The following KCNC4 variants were observed in gnomAD, a reference collection of about 807,000 sequenced individuals.
The protein encoded by KCNC4 is potassium voltage-gated channel subfamily C member 4, also known as voltage-gated potassium channel KCNC4.
A neutral mutation model predicts 42.8 loss-of-function variants in KCNC4; 23 were observed. The observed-to-expected ratio is 0.54, with a 90% confidence interval of 0.39 to 0.76. The LOEUF (loss-of-function observed/expected upper bound fraction) is 0.76. KCNC4 is among the 30% of genes least tolerant of loss of function. The pLI is 0.00. For synonymous variants in KCNC4, 422 were observed against 393.5 expected (o/e 1.07, Z -0.86); for missense variants, 751 against 898.2 (o/e 0.84, Z 2.10).
intron 2 of KCNC4, chr1:110,225,673 C>A (rs1658349681): frequency 2.9e-6 from 1 of 340,950 alleles, no homozygotes; most frequent in South Asian, 5.8e-5. Flanking sequence ...GGCTGATCTC[C>A]TGGGGCAGCC....
In KCNC4 at chr1:110,210,782, C is replaced by A. The variant is rs1347826778; in HGVS notation, c.-718C>A. 6.6e-6 allele frequency among the ~76,000 whole-genome samples: 1 copy of A among 151,912 alleles called. No individual in the cohort carries two copies. Among genetic ancestry groups the A allele is most frequent in the South Asian group, 2.1e-4 (1 of 4,830 alleles). ...GACCCGAGGCTCGCTCCTGCGGGCG[C>A]GCTTGTTTTCCAGCTGCCGCCTCGC... On this transcript the variant is annotated 5_prime_UTR_variant, in exon 1 of 4. Transcript: ENST00000438661.
At chr1:110,220,359 T>C (rs911276563) in intron 1 of KCNC4, 1 of 152,372 alleles carries the variant, frequency 6.6e-6, no homozygotes, top group Admixed American at 6.5e-5. Flanking sequence ...CCACGGGGCC[T>C]GAAGGACTCT....
intron 1 of KCNC4, among the ~76,000 whole-genome samples, chr1:110,259,160 G>A (rs917540116): frequency 2.0e-5 from 3 of 152,162 alleles, no homozygotes; most frequent in Admixed American, 6.5e-5. Context: ...CCAAAGGCTG[G>A]GCCCAGGCAT....
At position 110,210,315 on chromosome 1, in the gene KCNC4, C is replaced by G. The variant is rs1657360352; in HGVS notation, c.-1185C>G. On this transcript the variant is annotated 5_prime_UTR_variant, in exon 1 of 4. Coordinates refer to ENST00000438661, the MANE Select transcript of KCNC4 (RefSeq NM_001039574.3). ...CGGGGCCCCGGAGGAAAAGGCGCCA[C>G]TGGGGCGTGGCGGCCGCTGCCAGCG... 6.6e-6 allele frequency among the ~76,000 whole-genome samples: 1 copy of G among 151,624 alleles called. No individual in the cohort carries two copies.
chr1:110,241,682 C>G (rs1659037623), exon 4 of KCNC4: 1 of 152,226 alleles, frequency 6.6e-6, no homozygotes, highest in Non-Finnish European at 1.5e-5. Flanking sequence ...CTCTTACATT[C>G]TACTATTGTG....
At chr1:110,219,645 A>G (rs1192673326) in intron 1 of KCNC4, 4 of 152,138 alleles carry the variant, frequency 2.6e-5, no homozygotes, top group Admixed American at 2.0e-4. Context: ...TTTGGCCTCT[A>G]AGCAGGGTGG....
At chr1:110,252,244 G>A (rs1659261563), downstream of KCNC4, among the ~76,000 whole-genome samples, 2 of 152,198 alleles carry the variant, frequency 1.3e-5, no homozygotes, top group Admixed American at 6.5e-5. Flanking sequence ...CTGTCAGTGT[G>A]CCCCTAAGAA....
At chr1:110,255,027 C>T (rs1201557669) in intron 1 of KCNC4, among the ~76,000 whole-genome samples, 3 of 152,152 alleles carry the variant, frequency 2.0e-5, no homozygotes, top group African/African-American at 7.2e-5. Flanking sequence ...AGGAGACATC[C>T]AAGTATATAC....
intron 1 of KCNC4, among the ~76,000 whole-genome samples, chr1:110,254,704 G>T (rs1250233455): frequency 6.6e-6 from 1 of 152,214 alleles, no homozygotes; most frequent in Non-Finnish European, 1.5e-5. Context: ...AAGGAGACTA[G>T]GAATATATTC....
chr1:110,256,562 A>C (rs946903112), intron 1 of KCNC4, among the ~76,000 whole-genome samples: 1 of 152,216 alleles, frequency 6.6e-6, no homozygotes, highest in Non-Finnish European at 1.5e-5. Flanking sequence ...ATCAGCTAAC[A>C]ATTACATTTA....
downstream of KCNC4, among the ~76,000 whole-genome samples, chr1:110,249,457 C>T (rs944873555): frequency 2.0e-5 from 3 of 152,194 alleles, no homozygotes; most frequent in African/African-American, 7.2e-5. Flanking sequence ...ACAGCAGACA[C>T]TCAGTGAATG....
At position 110,222,997 on chromosome 1, in the gene KCNC4, G is replaced by T; in HGVS notation, c.712G>T (p.Val238Phe). The T allele has an allele frequency of 6.2e-7, 1 of 1,613,932 alleles. No individual in the cohort carries two copies. Among genetic ancestry groups the T allele is most frequent in the African/African-American group, 1.3e-5 (1 of 74,980 alleles). The change falls in exon 2 of 4, where the codon GTC (valine) becomes TTC (phenylalanine). Residue 238 changes from valine (V) to phenylalanine (F), a missense_variant. By Grantham distance (50) the Val-to-Phe change is conservative (BLOSUM62 -1). Coordinates refer to ENST00000438661, the MANE Select transcript of KCNC4 (RefSeq NM_001039574.3). ...CTTTGCCTCTCTCTTCTTCATCCTGGTCTCCATCACCACTTTCTGCCTGGA... is the reference window on the plus strand; with the variant it reads ...CTTTGCCTCTCTCTTCTTCATCCTGTTCTCCATCACCACTTTCTGCCTGGA... ...VAFASLFFIL[V>F]SITTFCLETH...
intron 1 of KCNC4, among the ~76,000 whole-genome samples, chr1:110,262,194 G>C (rs1439128615): frequency 6.6e-6 from 1 of 152,174 alleles, no homozygotes; most frequent in Non-Finnish European, 1.5e-5. Context: ...AAAATACAAA[G>C]TTATAAAAAT....
chr1:110,213,378 C>G (rs1391059544), intron 1 of KCNC4, among the ~76,000 whole-genome samples: 1 of 152,038 alleles, frequency 6.6e-6, no homozygotes, highest in Non-Finnish European at 1.5e-5. Context: ...CTCCAGCATC[C>G]CAAATTGTCA....
At chr1:110,265,353 TAAATAAAATAAAATA>T (rs58863489) in intron 1 of KCNC4, among the ~76,000 whole-genome samples, 13,353 of 121,298 alleles carry the variant, frequency 0.11, 1,055 homozygotes, top group South Asian at 0.2. Context: ...AAATAAAACA[TAAATAAAATAAAATA>T]AAATAAAATA....
intron 1 of KCNC4, among the ~76,000 whole-genome samples, chr1:110,281,555 A>AAAAC (rs1553219350): frequency 7.1e-6 from 1 of 140,350 alleles, no homozygotes; most frequent in Admixed American, 7.2e-5. Flanking sequence ...CATATGTAAA[A>AAAAC]ACACACACAC....
At chr1:110,218,323 G>A (rs1337405730) in intron 1 of KCNC4, among the ~76,000 whole-genome samples, 1 of 152,054 alleles carries the variant, frequency 6.6e-6, no homozygotes, top group Non-Finnish European at 1.5e-5. Flanking sequence ...GCAGATTGTA[G>A]CCTCAGGACC....
chr1:110,259,457 T>C lies in KCNC4; in HGVS notation n.31-23077T>C, dbSNP rs180875113. On this transcript the variant is annotated intron_variant and non_coding_transcript_variant, in intron 1 of 2. Transcript: ENST00000412512. ...CTTACTAAATGGACATCAATTTTAC[T>C]TGGGGCTGTAATGTGTTCAGTTGAT... 2.4e-3 allele frequency among the ~76,000 whole-genome samples: 371 copies of C among 152,348 alleles called. 1 individual carries two copies. The highest frequency in any genetic ancestry group is 8.7e-3 in the African/African-American group (361 of 41,576).
At chr1:110,267,799 C>T (rs1259726418) in intron 1 of KCNC4, among the ~76,000 whole-genome samples, 3 of 152,128 alleles carry the variant, frequency 2.0e-5, no homozygotes, top group Non-Finnish European at 4.4e-5. Flanking sequence ...TGGTTTTTTG[C>T]TTATTCTAGT....
Sources: gnomAD v4.1 joint callset for allele counts (sites outside exome capture counted in the v4.1 genomes callset) on GRCh38, gnomAD v4.1.1 for gene constraint, MANE v1.5 for transcripts, NCBI Gene and HGNC (gene_info 2026-07-23, HGNC 2026-07-21) for gene names.